Variants in RANBP2 observed in about 807,000 individuals in gnomAD.
RANBP2 encodes the protein RAN binding protein 2.
A neutral mutation model predicts 303.6 loss-of-function variants in RANBP2; 57 were observed. That is an observed-to-expected ratio of 0.19 (90% CI 0.15 to 0.23). The LOEUF (loss-of-function observed/expected upper bound fraction) is 0.23, where lower values mean the gene tolerates loss of function less well. Among genes scored for constraint, RANBP2 ranks in the 10% least tolerant of loss-of-function variants. The probability of loss-of-function intolerance (pLI) is 1.00; values close to 1 mark genes in which losing one functional copy is unlikely to be tolerated. For synonymous variants in RANBP2, 1,167 were observed against 1,301.5 expected, an observed-to-expected ratio of 0.90 and a Z score of 2.23; for missense variants, 3,138 against 3,780.8, an observed-to-expected ratio of 0.83 and a Z score of 4.46.
At chr2:108,948,834 T>G in the RANBP2 span, among the ~76,000 whole-genome samples, 2 of 151,846 alleles carry the variant, frequency 1.3e-5, no homozygotes, top group Non-Finnish European at 2.9e-5. Context: ...AAAAGTAGAG[T>G]TGGCCAGGCA....
intron 2 of RANBP2, among the ~76,000 whole-genome samples, chr2:108,729,927 C>T (rs946590538): frequency 2.0e-5 from 3 of 151,950 alleles, no homozygotes; most frequent in African/African-American, 7.3e-5. Context: ...ACTATGTTGC[C>T]CAGGCTAGTC....
At chr2:109,681,367 T>C in the RANBP2 span, among the ~76,000 whole-genome samples, 1 of 152,332 alleles carries the variant, frequency 6.6e-6, no homozygotes, top group African/African-American at 2.4e-5. Context: ...AAATTCTTAT[T>C]TGTACACGTA....
At chr2:108,864,519 C>T in the RANBP2 span, among the ~76,000 whole-genome samples, 1 of 151,806 alleles carries the variant, frequency 6.6e-6, no homozygotes, top group African/African-American at 2.4e-5. Flanking sequence ...AAAAATTAGC[C>T]GGGCACGGTG....
the RANBP2 span, among the ~76,000 whole-genome samples, chr2:108,861,437 T>G: frequency 6.6e-6 from 1 of 151,944 alleles, no homozygotes; most frequent in Non-Finnish European, 1.5e-5. Flanking sequence ...ATTTTTCTTT[T>G]TTTATGTAGA....
the RANBP2 span, among the ~76,000 whole-genome samples, chr2:109,512,010 T>C: frequency 6.6e-6 from 1 of 152,094 alleles, no homozygotes; most frequent in Admixed American, 6.5e-5. Flanking sequence ...CAAGTGGGAG[T>C]TGAGCTGAGT....
the RANBP2 span, chr2:109,543,064 A>G: frequency 6.6e-6 from 1 of 152,654 alleles, no homozygotes; most frequent in Non-Finnish European, 1.5e-5. Context: ...GAAAATGTAT[A>G]TATCTATGAC....
the RANBP2 span, among the ~76,000 whole-genome samples, chr2:108,851,612 G>C: frequency 8.9e-3 from 1,362 of 152,184 alleles, 27 homozygotes; most frequent in African/African-American, 0.031. Flanking sequence ...CTTTCTCTTG[G>C]GTTTTTATGG....
At chr2:109,221,418 A>G in the RANBP2 span, among the ~76,000 whole-genome samples, 1 of 152,130 alleles carries the variant, frequency 6.6e-6, no homozygotes, top group Non-Finnish European at 1.5e-5. Flanking sequence ...CCCTGTCTCT[A>G]CTAAAAATAC....
At chr2:109,443,871 C>T in the RANBP2 span, among the ~76,000 whole-genome samples, 4 of 152,248 alleles carry the variant, frequency 2.6e-5, no homozygotes, top group Middle Eastern at 3.4e-3. Context: ...AACATTAGAA[C>T]AACAGTATAA....
At chr2:109,612,429 TGG>T in the RANBP2 span, among the ~76,000 whole-genome samples, 2 of 152,220 alleles carry the variant, frequency 1.3e-5, no homozygotes, top group Non-Finnish European at 1.5e-5. Context: ...TATCGTACTA[TGG>T]GTTTGCCAGA....
chr2:109,493,625 CCA>C, the RANBP2 span, among the ~76,000 whole-genome samples: 1 of 151,166 alleles, frequency 6.6e-6, no homozygotes, highest in East Asian at 1.9e-4. Flanking sequence ...AACNCACACC[CCA>C]CACATGCTGC....
the RANBP2 span, among the ~76,000 whole-genome samples, chr2:109,262,154 G>A: frequency 1.8e-4 from 27 of 152,116 alleles, no homozygotes; most frequent in Non-Finnish European, 1.8e-4. Flanking sequence ...ACAGTGCTGG[G>A]GTCTTTCCTG....
chr2:109,615,169 C>G, the RANBP2 span: 2 of 1,548,886 alleles, frequency 1.3e-6, no homozygotes, highest in African/African-American at 2.7e-5. Context: ...GGCAGCAGCC[C>G]GGGCAGCTCC....
chr2:108,881,911 A>G, the RANBP2 span, among the ~76,000 whole-genome samples: 7 of 152,302 alleles, frequency 4.6e-5, no homozygotes, highest in African/African-American at 1.7e-4. Flanking sequence ...TGGGAAGCTG[A>G]GGCTAGAGGA....
the RANBP2 span, among the ~76,000 whole-genome samples, chr2:109,405,574 C>G: frequency 6.6e-6 from 1 of 152,210 alleles, no homozygotes; most frequent in Non-Finnish European, 1.5e-5. Context: ...GCCCATGTCC[C>G]TTTTGCTGCC....
chr2:109,799,202 G>A, the RANBP2 span, among the ~76,000 whole-genome samples: 2 of 95,422 alleles, frequency 2.1e-5, no homozygotes, highest in African/African-American at 5.0e-5. Context: ...TCGAGCCACC[G>A]CACTCCAGCC....
chr2:108,960,403 C>T, the RANBP2 span, among the ~76,000 whole-genome samples: 4 of 152,146 alleles, frequency 2.6e-5, no homozygotes, highest in African/African-American at 9.7e-5. Context: ...TCTATGGGTT[C>T]ACCTGTGGTG....
the RANBP2 span, among the ~76,000 whole-genome samples, chr2:109,550,804 C>T: frequency 0.017 from 2,530 of 152,230 alleles, 67 homozygotes; most frequent in African/African-American, 0.057. Context: ...ACCCCTTCTT[C>T]GTACCCTGTA....
At chr2:109,021,262 G>A in the RANBP2 span, among the ~76,000 whole-genome samples, 1 of 152,162 alleles carries the variant, frequency 6.6e-6, no homozygotes, top group Non-Finnish European at 1.5e-5. Flanking sequence ...GGTGGCTCAC[G>A]CCTGTAATCC....
Sources: allele counts gnomAD v4.1 joint callset (sites outside exome capture counted in the v4.1 genomes callset), GRCh38; gene constraint gnomAD v4.1.1; transcripts MANE v1.5; gene names NCBI Gene and HGNC (gene_info 2026-07-23, HGNC 2026-07-21).